LRPPRC: variants seen among roughly 807,000 people sequenced by gnomAD.
LRPPRC encodes leucine rich pentatricopeptide repeat containing, also known as leucine-rich PPR motif-containing protein, mitochondrial.
A neutral mutation model predicts 180.3 loss-of-function variants in LRPPRC; 120 were observed. That is an observed-to-expected ratio of 0.67 (90% CI 0.57 to 0.77). The LOEUF is 0.77. LRPPRC is among the 30% of genes least tolerant of loss of function. The pLI is 0.00. For missense variants in LRPPRC, 2,012 were observed against 1,657.2 expected, an observed-to-expected ratio of 1.21 and a Z score of -3.72; for synonymous variants, 723 against 600.0, an observed-to-expected ratio of 1.21 and a Z score of -3.00.
chr2:43,987,312 G>A (rs927946483), intron 1 of LRPPRC, among the ~76,000 whole-genome samples: 9 of 151,864 alleles, frequency 5.9e-5, no homozygotes, highest in Non-Finnish European at 1.3e-4. Context: ...TGGCTAACAA[G>A]GCGAAACCCC....
chr2:43,973,762 C>A, intron 10 of LRPPRC, 33 bp downstream of exon 10: 1 of 1,602,550 alleles, frequency 6.2e-7, no homozygotes, highest in Non-Finnish European at 8.6e-7. Context: ...AGCAAAACTT[C>A]CTTACTTGGC....
At position 43,890,439 on chromosome 2, in the gene LRPPRC, C is replaced by A. The variant is rs59645716; in HGVS notation, c.3986-563G>T. ...ACACACAAAAAACCTATAGGCCGGG[C>A]GCAGTGGCTCACGCCTGTAATCCCA... On this transcript the variant is annotated intron_variant, in intron 36 of 37. Coordinates refer to ENST00000260665, the MANE Select transcript of LRPPRC (RefSeq NM_133259.4). 6.5e-4 allele frequency: 281 copies of A among 435,280 alleles called. 1 individual carries two copies. Among genetic ancestry groups the A allele is most frequent in the African/African-American group, 5.4e-3 (265 of 48,826 alleles). The allele number at this position is 435,280 out of a possible 1,614,324, so 27.0% of individuals were successfully genotyped here.
At position 43,957,418 on chromosome 2, in the gene LRPPRC, G is replaced by C. The variant is rs1195355701; in HGVS notation, c.1616C>G (p.Ser539Cys). The C allele has an allele frequency of 8.7e-6, 14 of 1,613,480 alleles. No individual in the cohort carries two copies. The highest frequency in any genetic ancestry group is 9.3e-6 in the Non-Finnish European group (11 of 1,179,472). ...KSNTLPISLQ[S>C]IRSSLLLGFR... Reference sequence around the variant, plus strand: ...GCCTAGCAGTAGGCTACTTCTTATAGACTGCAGCGAGATGGGCAATGTATT... The same window carrying C: ...GCCTAGCAGTAGGCTACTTCTTATACACTGCAGCGAGATGGGCAATGTATT... Residue 539 changes from serine (S) to cysteine (C), a missense_variant, in exon 14 of 38, where the codon TCT (serine) becomes TGT (cysteine). Physicochemically the swap from Ser to Cys is moderately radical, Grantham distance 112 (BLOSUM62 -1). Transcript: ENST00000260665.
At chr2:43,915,228 T>TCTCTCTCTCTCTCC (rs1671415225) in intron 29 of LRPPRC, among the ~76,000 whole-genome samples, 1 of 63,264 alleles carries the variant, frequency 1.6e-5, no homozygotes, top group African/African-American at 9.1e-5. Flanking sequence ...TCTCTCTCTC[T>TCTCTCTCTCTCTCC]CTCTCACACA....
intron 1 of LRPPRC, 44 bp downstream of exon 1, chr2:43,995,755 C>A: frequency 7.4e-7 from 1 of 1,347,216 alleles, no homozygotes; most frequent in South Asian, 1.9e-5. Context: ...CCCCGGGGGA[C>A]CCTGGCGCCG....
chr2:43,948,152 C>T lies in LRPPRC; in HGVS notation c.1890G>A (p.Leu630=). 2 of 1,606,622 alleles carry T rather than the reference C, an allele frequency of 1.2e-6. No homozygotes were observed. The highest frequency in any genetic ancestry group is 1.1e-5 in the South Asian group (1 of 90,926). The change falls in exon 18 of 38, where the codon CTG becomes CTA. Residue 630 remains leucine, a synonymous_variant. Coordinates refer to ENST00000260665, the MANE Select transcript of LRPPRC (RefSeq NM_133259.4). The part of the protein sequence containing the change: ...ENIYRGIRNL[L]ESYHVPELIK... ...TCAATTCAGGAACATGGTAGCTTTC[C>T]AGGAGATTACGAATGCCTCTGTAGA...
chr2:43,893,854 T>A (rs1387275024), intron 36 of LRPPRC, among the ~76,000 whole-genome samples: 1 of 152,110 alleles, frequency 6.6e-6, no homozygotes, highest in Non-Finnish European at 1.5e-5. Flanking sequence ...GAGTCTGTTG[T>A]CCTCCCATAG....
chr2:43,947,154 A>G (rs1241738776), intron 20 of LRPPRC, 103 bp downstream of exon 20: 6 of 626,094 alleles, frequency 9.6e-6, no homozygotes, highest in South Asian at 2.0e-5. Context: ...AGCCTGACAT[A>G]TAACGATCAA....
chr2:43,943,774 T>C lies in LRPPRC; in HGVS notation c.2417A>G (p.Lys806Arg). 1 of 1,613,506 alleles carries C rather than the reference T, an allele frequency of 6.2e-7. No homozygotes were observed. The highest frequency in any genetic ancestry group is 1.1e-5 in the South Asian group (1 of 91,072). ...AGTCACGATGGCTTCATGCAACTGT[T>C]TTACTGTTTCAATTTCACCTCTTAA... ...AALRGEIETVKQLHEAIVTLG... is the reference protein window; with the variant it reads ...AALRGEIETVRQLHEAIVTLG... Residue 806 changes from lysine to arginine, a missense_variant, in exon 23 of 38, where the codon AAA (lysine) becomes AGA (arginine). Physicochemically the swap from Lys to Arg is conservative, Grantham distance 26. Coordinates refer to ENST00000260665, the MANE Select transcript of LRPPRC (RefSeq NM_133259.4).
intron 13 of LRPPRC, chr2:43,959,262 G>C (rs1452979039): frequency 2.8e-6 from 2 of 709,306 alleles, no homozygotes; most frequent in East Asian, 2.7e-5. Context: ...AATACACTCA[G>C]ATAGCAGCCA....
rs1178479060 is a variant in LRPPRC at position 43,982,411 on chromosome 2, A to C, written c.173T>G (p.Leu58Arg). The C allele has an allele frequency of 1.2e-6, 2 of 1,613,856 alleles. No homozygotes were observed. Among genetic ancestry groups the C allele is most frequent in the Admixed American group, 3.3e-5 (2 of 60,022 alleles). Residue 58 changes from leucine (L) to arginine (R), a missense_variant, in exon 2 of 38, where the codon CTG becomes CGG. Transcript: ENST00000260665. ...TTTTTCTTTGGCAGCAATGGCATAC[A>C]GCCTGGCTGGGCTCAGTAGTCCTCT... ...VAGGLLSPAR[L>R]YAIAAKEKDI...
chr2:43,895,313 G>T (rs908042363), intron 35 of LRPPRC, among the ~76,000 whole-genome samples: 22 of 152,272 alleles, frequency 1.4e-4, no homozygotes, highest in Middle Eastern at 3.4e-3. Flanking sequence ...CTGTTAACAG[G>T]CATCTTAAAA....
At chr2:43,979,583 C>A in intron 3 of LRPPRC, among the ~76,000 whole-genome samples, 1 of 152,142 alleles carries the variant, frequency 6.6e-6, no homozygotes, top group Non-Finnish European at 1.5e-5. Flanking sequence ...GACAAACCGG[C>A]TATTTTCTTC....
intron 34 of LRPPRC, among the ~76,000 whole-genome samples, chr2:43,896,978 C>G (rs1484032721): frequency 1.3e-5 from 2 of 152,086 alleles, no homozygotes; most frequent in East Asian, 3.9e-4. Context: ...TCAACAACCA[C>G]AGAATAAGGT....
chr2:43,942,406 TAACTC>T (rs1368972552), intron 23 of LRPPRC, among the ~76,000 whole-genome samples: 1 of 152,116 alleles, frequency 6.6e-6, no homozygotes, highest in Admixed American at 6.6e-5. Flanking sequence ...ATGAATATGA[TAACTC>T]AATAACACAG....
At chr2:43,960,843 G>A (rs560222492) in intron 12 of LRPPRC, among the ~76,000 whole-genome samples, 5 of 152,170 alleles carry the variant, frequency 3.3e-5, no homozygotes, top group Non-Finnish European at 7.4e-5. Context: ...CAGATGGTCT[G>A]ATGCCTTTAG....
intron 1 of LRPPRC, among the ~76,000 whole-genome samples, chr2:43,983,462 A>G (rs543251850): frequency 2.3e-4 from 35 of 152,310 alleles, no homozygotes; most frequent in Admixed American, 2.1e-3. Flanking sequence ...TGATTTAAAA[A>G]TATCAGATAA....
In LRPPRC at chr2:43,961,201, T is replaced by A. The variant is rs184636494; in HGVS notation, c.1489-567A>T. Among the ~76,000 whole-genome samples the A allele has an allele frequency of 8.1e-4, 124 of 152,222 alleles. 2 individuals are homozygous for A. The East Asian group carries it at 0.014, about 17-fold the overall frequency. ...CAAGCATAAAATATATTTTGTGGAA[T>A]TAAATACTGTTATGAAAAGGTGTCA... is the stretch of plus-strand genomic sequence containing the variant. On this transcript the variant is annotated intron_variant, in intron 12 of 37. Transcript: ENST00000260665.
chr2:43,896,680 G>A lies in LRPPRC; in HGVS notation c.3854C>T (p.Pro1285Leu), dbSNP rs373042003. Residue 1285 changes from proline (P) to leucine (L), a missense_variant, in exon 35 of 38, where the codon CCG becomes CTG. Pro to Leu is a moderately conservative substitution (Grantham distance 98). Transcript: ENST00000260665. ...CCTAAGGAGGAACAACAACAAAATCGGGGTTTGTTCAGCAATTGCACCACA... is the reference window on the plus strand; with the variant it reads ...CCTAAGGAGGAACAACAACAAAATCAGGGTTTGTTCAGCAATTGCACCACA... ...QRCGAIAEQT[P>L]ILLLFLLRNS... 6.8e-6 allele frequency: 11 copies of A among 1,612,388 alleles called. No homozygotes were observed. Among genetic ancestry groups the A allele is most frequent in the South Asian group, 4.4e-5 (4 of 91,022 alleles).
Sources: gnomAD v4.1 joint callset for allele counts (sites outside exome capture counted in the v4.1 genomes callset) on GRCh38, gnomAD v4.1.1 for gene constraint, MANE v1.5 for transcripts, NCBI Gene and HGNC (gene_info 2026-07-23, HGNC 2026-07-21) for gene names.